RPS6KC1: variants seen among roughly 807,000 people sequenced by gnomAD.
The protein encoded by RPS6KC1 is ribosomal protein S6 kinase C1.
Under a neutral mutation model 103.8 loss-of-function variants are expected in RPS6KC1, and 54 were observed. The ratio of observed to expected loss-of-function variants is 0.52; its 90% CI spans 0.42 to 0.65. The LOEUF is 0.65. Among genes scored for constraint, RPS6KC1 ranks in the 30% least tolerant of loss-of-function variants. The pLI is 0.00. For missense variants in RPS6KC1, 1,151 were observed against 1,253.8 expected, an observed-to-expected ratio of 0.92 and a Z score of 1.24; for synonymous variants, 439 against 438.7, an observed-to-expected ratio of 1.00 and a Z score of -0.01.
the RPS6KC1 span, among the ~76,000 whole-genome samples, chr1:213,499,397 C>T: frequency 1.3e-5 from 2 of 152,120 alleles, no homozygotes; most frequent in African/African-American, 4.8e-5. Flanking sequence ...TCATGGTAGA[C>T]AATTTTTCCG....
chr1:213,342,641 T>G, the RPS6KC1 span, among the ~76,000 whole-genome samples: 1 of 152,156 alleles, frequency 6.6e-6, no homozygotes, highest in Non-Finnish European at 1.5e-5. Context: ...TGCAGCCATT[T>G]TTTTTCATGC....
the RPS6KC1 span, among the ~76,000 whole-genome samples, chr1:213,597,755 C>T: frequency 1.3e-5 from 2 of 152,102 alleles, no homozygotes; most frequent in African/African-American, 4.8e-5. Flanking sequence ...TACCAAGAAA[C>T]CCAGAGCTGC....
At chr1:213,596,148 T>C in the RPS6KC1 span, among the ~76,000 whole-genome samples, 4 of 151,580 alleles carry the variant, frequency 2.6e-5, no homozygotes, top group African/African-American at 7.3e-5. Context: ...AGGAAGGCAG[T>C]ATCACAAAGT....
the RPS6KC1 span, among the ~76,000 whole-genome samples, chr1:213,586,505 A>G: frequency 4.6e-3 from 707 of 152,366 alleles, 5 homozygotes; most frequent in African/African-American, 0.013. Context: ...CTCTTTTGTA[A>G]TCTAATGCTG....
chr1:213,558,398 T>C, the RPS6KC1 span, among the ~76,000 whole-genome samples: 1 of 152,204 alleles, frequency 6.6e-6, no homozygotes, highest in Non-Finnish European at 1.5e-5. Flanking sequence ...AAGGAGCCGA[T>C]GTAGGTATCA....
chr1:213,363,566 A>C, the RPS6KC1 span, among the ~76,000 whole-genome samples: 1 of 152,000 alleles, frequency 6.6e-6, no homozygotes, highest in Non-Finnish European at 1.5e-5. Flanking sequence ...GAGAGAAACA[A>C]AGGGCAAAAT....
chr1:213,654,818 T>C, the RPS6KC1 span, among the ~76,000 whole-genome samples: 1 of 152,164 alleles, frequency 6.6e-6, no homozygotes, highest in Admixed American at 6.5e-5. Context: ...AACATAAATA[T>C]TTAGGTATTG....
the RPS6KC1 span, among the ~76,000 whole-genome samples, chr1:213,577,187 C>G: frequency 1.3e-5 from 2 of 152,170 alleles, no homozygotes; most frequent in Non-Finnish European, 2.9e-5. Context: ...ATAAGTCTTA[C>G]AAGATCTGAT....
the RPS6KC1 span, among the ~76,000 whole-genome samples, chr1:213,328,535 TATATATCA>T: frequency 1.2e-4 from 13 of 111,950 alleles, no homozygotes; most frequent in African/African-American, 3.8e-4. Flanking sequence ...TATATATATA[TATATATCA>T]CACACACACG....
chr1:213,534,291 GA>G, the RPS6KC1 span, among the ~76,000 whole-genome samples: 1 of 152,178 alleles, frequency 6.6e-6, no homozygotes, highest in Admixed American at 6.5e-5. Flanking sequence ...TTAAGGCCTG[GA>G]AAAACACAGA....
At chr1:213,720,389 A>G in the RPS6KC1 span, among the ~76,000 whole-genome samples, 2 of 152,244 alleles carry the variant, frequency 1.3e-5, no homozygotes, top group African/African-American at 4.8e-5. Flanking sequence ...GATTTGTACA[A>G]CGTTCCAAAG....
rs117201084 is a variant in RPS6KC1, at chr1:213,259,187, C to A, written c.2912-2371C>A. 1.1e-3 allele frequency among the ~76,000 whole-genome samples: 164 copies of A among 152,298 alleles called. 1 individual carries two copies. The highest frequency in any genetic ancestry group is 6.8e-3 in the Middle Eastern group (2 of 294). On this transcript the variant is annotated intron_variant, in intron 12 of 14. Coordinates refer to ENST00000366960, the MANE Select transcript of RPS6KC1 (RefSeq NM_012424.6). ...GCTCCAGAGTAACTTTTCCAACAAG[C>A]CTGAATGTTTTCATATCATCTTGCT...
the RPS6KC1 span, among the ~76,000 whole-genome samples, chr1:213,406,788 C>T: frequency 0.023 from 3,518 of 152,300 alleles, 132 homozygotes; most frequent in African/African-American, 0.08. Context: ...GGCAGCCCTA[C>T]TGATGGAGTC....
intron 1 of RPS6KC1, among the ~76,000 whole-genome samples, chr1:213,067,582 T>A (rs2078444653): frequency 6.6e-6 from 1 of 152,110 alleles, no homozygotes; most frequent in Non-Finnish European, 1.5e-5. Flanking sequence ...ATGAAGTGTT[T>A]CCCAATCTTT....
At chr1:213,842,404 A>G in the RPS6KC1 span, among the ~76,000 whole-genome samples, 2,060 of 152,216 alleles carry the variant, frequency 0.014, 42 homozygotes, top group East Asian at 0.091. Flanking sequence ...TGCCCCTTTC[A>G]CTGGCTAACT....
At chr1:213,725,981 C>T in the RPS6KC1 span, among the ~76,000 whole-genome samples, 1 of 152,140 alleles carries the variant, frequency 6.6e-6, no homozygotes, top group Non-Finnish European at 1.5e-5. Context: ...CATGATATTG[C>T]TTTTCGTGTT....
At chr1:213,729,278 C>T in the RPS6KC1 span, among the ~76,000 whole-genome samples, 10 of 152,160 alleles carry the variant, frequency 6.6e-5, no homozygotes, top group African/African-American at 2.4e-4. Context: ...GGTTTGAGGG[C>T]TTGAAATCGT....
At chr1:213,783,241 C>A in the RPS6KC1 span, among the ~76,000 whole-genome samples, 22 of 152,176 alleles carry the variant, frequency 1.4e-4, 1 homozygote, top group Non-Finnish European at 7.4e-5. Flanking sequence ...TTTCGATGCA[C>A]AAAGCTGGCT....
the RPS6KC1 span, among the ~76,000 whole-genome samples, chr1:213,526,462 G>T: frequency 6.6e-6 from 1 of 152,196 alleles, no homozygotes. Flanking sequence ...TCAGCTGTCT[G>T]GGTGAAGCAT....
Sources: gnomAD v4.1 joint callset for allele counts (sites outside exome capture counted in the v4.1 genomes callset) on GRCh38, gnomAD v4.1.1 for gene constraint, MANE v1.5 for transcripts, NCBI Gene and HGNC (gene_info 2026-07-23, HGNC 2026-07-21) for gene names.